Variants in DAB1 observed in about 807,000 individuals in gnomAD.
DAB1 encodes the protein disabled homolog 1.
In DAB1, 15 loss-of-function variants were observed where a neutral mutation model predicts 64.6. That is an observed-to-expected ratio of 0.23 (90% CI 0.16 to 0.36). DAB1 has a LOEUF of 0.36. DAB1 is among the 10% of genes least tolerant of loss of function. The probability of loss-of-function intolerance (pLI) is 1.00; values close to 1 mark genes in which losing one functional copy is unlikely to be tolerated. For synonymous variants in DAB1, 235 were observed against 251.9 expected (o/e 0.93, Z 0.64); for missense variants, 596 against 706.7 (o/e 0.84, Z 1.78).
At chr1:57,549,385 C>T (rs756660127) in intron 7 of DAB1, among the ~76,000 whole-genome samples, 4 of 152,278 alleles carry the variant, frequency 2.6e-5, no homozygotes, top group South Asian at 4.1e-4. Context: ...TGAACAGCAG[C>T]GGGTCTGTGA....
chr1:57,520,809 T>C (rs1644516617), intron 7 of DAB1, among the ~76,000 whole-genome samples: 1 of 152,058 alleles, frequency 6.6e-6, no homozygotes, highest in Non-Finnish European at 1.5e-5. Flanking sequence ...AAAAAGGATG[T>C]GCAAGCAGGC....
intron 5 of DAB1, among the ~76,000 whole-genome samples, chr1:57,916,725 G>T (rs1443947880): frequency 4.6e-5 from 7 of 152,118 alleles, no homozygotes; most frequent in Non-Finnish European, 8.8e-5. Context: ...ATCACCTGAG[G>T]TCAGGAGTTC....
chr1:57,862,075 T>C (rs1474057754), intron 1 of DAB1, among the ~76,000 whole-genome samples: 1 of 152,162 alleles, frequency 6.6e-6, no homozygotes, highest in Non-Finnish European at 1.5e-5. Flanking sequence ...ATCTGAATCT[T>C]TAAGATTTCT....
chr1:57,701,744 A>G (rs12718426), intron 6 of DAB1, among the ~76,000 whole-genome samples: 45,517 of 151,908 alleles, frequency 0.3, 7,034 homozygotes, highest in East Asian at 0.45. Context: ...ATAGTCTTCA[A>G]GTTCACTGAT....
intron 7 of DAB1, among the ~76,000 whole-genome samples, chr1:57,624,501 C>A (rs530977859): frequency 2.0e-5 from 3 of 152,266 alleles, no homozygotes; most frequent in African/African-American, 7.2e-5. Context: ...GACGGTTATA[C>A]CCAACTTGAA....
intron 7 of DAB1, among the ~76,000 whole-genome samples, chr1:57,493,789 CAT>C (rs58357813): frequency 6.6e-6 from 1 of 151,948 alleles, no homozygotes; most frequent in African/African-American, 2.4e-5. Context: ...CACACACACA[CAT>C]TGACTGACAT....
intron 4 of DAB1, among the ~76,000 whole-genome samples, chr1:57,077,218 G>C (rs565518415): frequency 1.3e-4 from 20 of 152,148 alleles, no homozygotes; most frequent in Middle Eastern, 3.2e-3. Flanking sequence ...AAGGCAGCTA[G>C]GTTCTGAGAA....
chr1:58,234,292 G>A (rs1243543891), intron 4 of DAB1, among the ~76,000 whole-genome samples: 2 of 152,194 alleles, frequency 1.3e-5, no homozygotes, highest in Non-Finnish European at 2.9e-5. Flanking sequence ...CTACAATAGG[G>A]AGAAAAACAG....
chr1:57,855,620 A>C (rs1232954450), intron 1 of DAB1, among the ~76,000 whole-genome samples: 1 of 152,218 alleles, frequency 6.6e-6, no homozygotes, highest in East Asian at 1.9e-4. Context: ...AAAGAAACAG[A>C]GGAAGAGGGA....
intron 7 of DAB1, among the ~76,000 whole-genome samples, chr1:57,429,850 T>C (rs1685434046): frequency 1.3e-5 from 2 of 152,198 alleles, no homozygotes; most frequent in African/African-American, 4.8e-5. Flanking sequence ...GGTCTATGTG[T>C]CAGTTTTCAT....
In DAB1 at chr1:56,995,683, A is replaced by G. The variant is rs1405419932; in HGVS notation, c.*2461T>C. Reference sequence around the variant, plus strand: ...TGGTATAATGGTGTGATACTGCAAGACAAACTCAAGACAGCCATATTGAGG... The same window carrying G: ...TGGTATAATGGTGTGATACTGCAAGGCAAACTCAAGACAGCCATATTGAGG... On this transcript the variant is annotated 3_prime_UTR_variant, in exon 15 of 15. Transcript: ENST00000371236. 2 of 152,228 alleles carry G rather than the reference A, an allele frequency of 1.3e-5. No individual in the cohort carries two copies. The highest frequency in any genetic ancestry group is 4.8e-5 in the African/African-American group (2 of 41,460). 9.4% of individuals were successfully genotyped at this position (152,228 alleles called of 1,614,324 possible). A position where few individuals can be genotyped will look rare whatever the true frequency, so the allele number is the denominator to read the frequency against.
chr1:57,694,518 T>C (rs1381403036), intron 6 of DAB1, among the ~76,000 whole-genome samples: 1 of 152,146 alleles, frequency 6.6e-6, no homozygotes, highest in East Asian at 1.9e-4. Context: ...AGAGGTAACC[T>C]GCAGAAAGGC....
At chr1:58,281,317 C>T (rs1034992350) in intron 4 of DAB1, among the ~76,000 whole-genome samples, 1 of 151,412 alleles carries the variant, frequency 6.6e-6, no homozygotes, top group Non-Finnish European at 1.5e-5. Flanking sequence ...GCTGACAATT[C>T]ACACAAGTGA....
chr1:57,900,485 G>C (rs979968111), intron 5 of DAB1, among the ~76,000 whole-genome samples: 5 of 152,202 alleles, frequency 3.3e-5, no homozygotes, highest in African/African-American at 7.2e-5. Flanking sequence ...GAGTTTGCAC[G>C]GCAGAGGCCT....
chr1:57,562,914 C>T (rs563505244), intron 7 of DAB1, among the ~76,000 whole-genome samples: 5 of 152,142 alleles, frequency 3.3e-5, no homozygotes, highest in South Asian at 2.1e-4. Context: ...ACTATCAAGA[C>T]GAAATCAGTC....
chr1:57,737,568 C>T (rs1647756441), intron 6 of DAB1, among the ~76,000 whole-genome samples: 1 of 152,146 alleles, frequency 6.6e-6, no homozygotes, highest in Non-Finnish European at 1.5e-5. Context: ...GTACTAAGTG[C>T]TGTGTTAAGC....
At chr1:58,195,407 A>G (rs1657622318) in intron 4 of DAB1, among the ~76,000 whole-genome samples, 1 of 152,224 alleles carries the variant, frequency 6.6e-6, no homozygotes, top group South Asian at 2.1e-4. Flanking sequence ...ATAGAGGCAC[A>G]AAGACAAAGT....
intron 6 of DAB1, among the ~76,000 whole-genome samples, chr1:57,739,147 A>T (rs2101786638): frequency 6.6e-6 from 1 of 152,238 alleles, no homozygotes; most frequent in South Asian, 2.1e-4. Context: ...ATAAACACAC[A>T]ATGACTTTAA....
intron 4 of DAB1, among the ~76,000 whole-genome samples, chr1:58,153,661 C>A (rs1655068145): frequency 1.3e-5 from 2 of 151,980 alleles, no homozygotes; most frequent in South Asian, 4.2e-4. Flanking sequence ...CATTTCTATT[C>A]TTTCCTTTTC....
Sources: allele counts gnomAD v4.1 joint callset (sites outside exome capture counted in the v4.1 genomes callset), GRCh38; gene constraint gnomAD v4.1.1; transcripts MANE v1.5; gene names NCBI Gene and HGNC (gene_info 2026-07-23, HGNC 2026-07-21).